LYST: variants seen among roughly 807,000 people sequenced by gnomAD.
LYST encodes lysosomal trafficking regulator, also known as lysosomal-trafficking regulator.
In LYST, 192 loss-of-function variants were observed where a neutral mutation model predicts 413.6. The ratio of observed to expected loss-of-function variants is 0.46; its 90% confidence interval spans 0.41 to 0.52. The LOEUF is 0.52. Among genes scored for constraint, LYST ranks in the 20% least tolerant of loss-of-function variants. The pLI is 0.00. For synonymous variants in LYST, 1,525 were observed against 1,567.3 expected (o/e 0.97, Z 0.64); for missense variants, 3,815 against 4,499.9 (o/e 0.85, Z 4.35).
intron 48 of LYST, among the ~76,000 whole-genome samples, chr1:235,685,367 G>T (rs1377469494): frequency 6.6e-6 from 1 of 152,276 alleles, no homozygotes; most frequent in East Asian, 1.9e-4. Flanking sequence ...GCCCTTGGAA[G>T]TGTTTCTCCT....
chr1:235,712,921 A>G lies in LYST; in HGVS notation c.9785-724T>C, dbSNP rs1172576892. The G allele has an allele frequency of 3.0e-6, 3 of 985,196 alleles. No individual in the cohort carries two copies. In the African/African-American group the frequency reaches 5.2e-5, roughly 17 times the overall value. 61.0% of individuals were successfully genotyped at this position (985,196 alleles called of 1,614,324 possible). A position where few individuals can be genotyped will look rare whatever the true frequency, so the allele number is the denominator to read the frequency against. On this transcript the variant is annotated intron_variant, in intron 42 of 52. Transcript: ENST00000389793. ...AGGGAAAGGCCTAGAATATTAAATG[A>G]TATCCAAAAGCTAGCCTCTGAAAAC...
At chr1:235,812,028 T>A (rs1324373990) in intron 4 of LYST, among the ~76,000 whole-genome samples, 1 of 151,904 alleles carries the variant, frequency 6.6e-6, no homozygotes, top group East Asian at 1.9e-4. Context: ...ACCTGAGAGA[T>A]CTTCAAACAT....
chr1:235,716,347 T>TATTATATGACTA (rs1662834801), intron 41 of LYST, among the ~76,000 whole-genome samples: 1 of 152,194 alleles, frequency 6.6e-6, no homozygotes, highest in African/African-American at 2.4e-5. Context: ...GACTAATGGT[T>TATTATATGACTA]ATGGGTACAT....
chr1:235,686,887 A>G lies in LYST; in HGVS notation c.10800+62T>C, dbSNP rs777965572. 1 of 1,187,166 alleles carries G rather than the reference A, an allele frequency of 8.4e-7. No individual in the cohort carries two copies. The highest frequency in any genetic ancestry group is 1.7e-5 in the Admixed American group (1 of 59,484). The allele number at this position is 1,187,166 out of a possible 1,614,324, so 73.5% of individuals were successfully genotyped here. ...TTATGCAAAGTGAATTATACTTCATAAAGGCTTTCTTCCCCTCATTGACAA... is the reference window on the plus strand; with the variant it reads ...TTATGCAAAGTGAATTATACTTCATGAAGGCTTTCTTCCCCTCATTGACAA... On this transcript the variant is annotated intron_variant, in intron 48 of 52. Coordinates refer to ENST00000389793, the MANE Select transcript of LYST (RefSeq NM_000081.4). This position sits in a 1 kb window ranked among gnomAD's most constrained non-coding sequence, Gnocchi z 4.0.
intron 1 of LYST, among the ~76,000 whole-genome samples, chr1:235,879,001 C>G (rs537034407): frequency 1.3e-5 from 2 of 151,992 alleles, no homozygotes; most frequent in Non-Finnish European, 2.9e-5. Flanking sequence ...GAACATTGTA[C>G]CCAACAGGTA....
intron 45 of LYST, 131 bp from the exon 46 acceptor site, chr1:235,697,403 T>G (rs1455626739): frequency 4.4e-6 from 3 of 682,390 alleles, no homozygotes; most frequent in Non-Finnish European, 7.5e-6. Flanking sequence ...AATAATTATT[T>G]TACGCATTTT....
In LYST at chr1:235,757,297, T is replaced by G; in HGVS notation, c.7043A>C (p.Gln2348Pro). 6.2e-7 allele frequency: 1 copy of G among 1,613,084 alleles called. No homozygotes were observed. The highest frequency in any genetic ancestry group is 8.5e-7 in the Non-Finnish European group (1 of 1,179,266). Residue 2348 changes from glutamine to proline, a missense_variant, in exon 24 of 53, where the codon CAA becomes CCA. Physicochemically the swap from Gln to Pro is moderately conservative, Grantham distance 76. Coordinates refer to ENST00000389793, the MANE Select transcript of LYST (RefSeq NM_000081.4). ...VLVNHPSPAIQQGVIKLLDAY... is the reference protein window; with the variant it reads ...VLVNHPSPAIPQGVIKLLDAY... ...TGCCCTTACTTTAATAACACCTTGT[T>G]GTATAGCTGGTGATGGGTGGTTAAC...
chr1:235,773,144 C>T (rs1668878692), intron 19 of LYST, among the ~76,000 whole-genome samples: 1 of 151,718 alleles, frequency 6.6e-6, no homozygotes, highest in Admixed American at 6.6e-5. Flanking sequence ...TGTGTGAAAC[C>T]CTGTCTACAC....
In LYST at chr1:235,763,647, C is replaced by T. The variant is rs551020778; in HGVS notation, c.6122-796G>A. Among the ~76,000 whole-genome samples the T allele has an allele frequency of 9.9e-5, 15 of 151,044 alleles. No homozygotes were observed. In the South Asian group the frequency reaches 1.9e-3, roughly 19 times the overall value. Reference sequence around the variant, plus strand: ...TTTTTCTTTTTTTTTTAAGGAGAGACGAGGTTTCGCTATGTTGACCAGGCT... The same window carrying T: ...TTTTTCTTTTTTTTTTAAGGAGAGATGAGGTTTCGCTATGTTGACCAGGCT... On this transcript the variant is annotated intron_variant, in intron 21 of 52. Coordinates refer to ENST00000389793, the MANE Select transcript of LYST (RefSeq NM_000081.4).
chr1:235,747,258 C>T (rs771566362), intron 28 of LYST: 7 of 452,974 alleles, frequency 1.5e-5, no homozygotes, highest in Admixed American at 2.4e-5. Flanking sequence ...AGAAGGGCAT[C>T]GGAAGTTGAC....
intron 1 of LYST, among the ~76,000 whole-genome samples, chr1:235,845,654 G>A (rs1677754985): frequency 6.6e-6 from 1 of 152,144 alleles, no homozygotes; most frequent in African/African-American, 2.4e-5. Flanking sequence ...GGGGGACACG[G>A]TGGGAGTGAG....
intron 5 of LYST, 51 bp downstream of exon 5, chr1:235,808,404 T>C (rs768791346): frequency 1.9e-6 from 3 of 1,565,278 alleles, no homozygotes; most frequent in Non-Finnish European, 2.6e-6. Context: ...GAAAAAGATC[T>C]AGACATGCTC....
At chr1:235,774,852 T>C (rs1264909249) in intron 18 of LYST, 61 bp downstream of exon 18, 2 of 1,107,226 alleles carry the variant, frequency 1.8e-6, no homozygotes, top group Non-Finnish European at 2.7e-6. Context: ...TGGAAGACTT[T>C]GATGACGAGA....
intron 1 of LYST, among the ~76,000 whole-genome samples, chr1:235,855,361 G>C (rs1250370926): frequency 1.3e-5 from 2 of 152,106 alleles, no homozygotes; most frequent in African/African-American, 2.4e-5. Flanking sequence ...GTAAGGCTCT[G>C]AGAAACAGAC....
intron 10 of LYST, among the ~76,000 whole-genome samples, chr1:235,795,944 T>C (rs1232635951): frequency 1.3e-5 from 2 of 151,940 alleles, no homozygotes; most frequent in Non-Finnish European, 2.9e-5. Context: ...TATCCTTATA[T>C]GAAAAAGAAA....
intron 22 of LYST, among the ~76,000 whole-genome samples, chr1:235,760,069 G>A (rs1050580690): frequency 1.3e-5 from 2 of 152,128 alleles, no homozygotes; most frequent in African/African-American, 4.8e-5. Flanking sequence ...CTACTGTGCT[G>A]AATTTAAGTG....
chr1:235,730,825 A>C lies in LYST; in HGVS notation c.9044+22T>G, dbSNP rs757831896. 44 of 1,301,022 alleles carry C rather than the reference A, an allele frequency of 3.4e-5. 1 individual carries two copies. In the East Asian group the frequency reaches 1.0e-3, roughly 30 times the overall value. The allele number at this position is 1,301,022 out of a possible 1,614,324, so 80.6% of individuals were successfully genotyped here. A position where few individuals can be genotyped will look rare whatever the true frequency, so the allele number is the denominator to read the frequency against. On this transcript the variant is annotated intron_variant, in intron 36 of 52. Coordinates refer to ENST00000389793, the MANE Select transcript of LYST (RefSeq NM_000081.4). The stretch of plus-strand genomic sequence containing the variant: ...CTGTTGTATATTCATGAAAGAGTGA[A>C]GGTCTATTGATTCAAAGTTACCTTA...
At chr1:235,870,951 C>T (rs1680897477), upstream of LYST, among the ~76,000 whole-genome samples, 3 of 152,164 alleles carry the variant, frequency 2.0e-5, no homozygotes, top group African/African-American at 7.2e-5. Flanking sequence ...TAGAGGAATA[C>T]AAGACTGCGA....
upstream of LYST, among the ~76,000 whole-genome samples, chr1:235,868,974 C>T (rs1680798744): frequency 6.6e-6 from 1 of 151,892 alleles, no homozygotes; most frequent in Non-Finnish European, 1.5e-5. Flanking sequence ...GGATTACAGG[C>T]ATGAGACACC....
Sources: gnomAD v4.1 joint callset for allele counts (sites outside exome capture counted in the v4.1 genomes callset) on GRCh38, gnomAD v4.1.1 for gene constraint, Gnocchi (gnomAD v3.1) non-coding constraint, MANE v1.5 for transcripts, NCBI Gene and HGNC (gene_info 2026-07-23, HGNC 2026-07-21) for gene names.